SKAP1: variants seen among roughly 807,000 people sequenced by gnomAD.
SKAP1 encodes the protein src kinase associated phosphoprotein 1.
Under a neutral mutation model 58.5 loss-of-function variants are expected in SKAP1, and 44 were observed. The ratio of observed to expected loss-of-function variants is 0.75; its 90% CI spans 0.59 to 0.97. SKAP1 has a LOEUF of 0.97. Among genes scored for constraint, SKAP1 ranks in the 50% least tolerant of loss-of-function variants. The pLI is 0.00. For synonymous variants in SKAP1, 127 were observed against 149.7 expected (o/e 0.85, Z 1.11); for missense variants, 390 against 435.2 (o/e 0.90, Z 0.92).
intron 4 of SKAP1, among the ~76,000 whole-genome samples, chr17:48,288,740 G>T (rs1428149991): frequency 2.0e-5 from 3 of 152,186 alleles, no homozygotes; most frequent in Non-Finnish European, 4.4e-5. Flanking sequence ...GAGGCAGACT[G>T]CTAGGAATCT....
At chr17:48,148,101 TGAA>T (rs2063854431) in intron 11 of SKAP1, among the ~76,000 whole-genome samples, 1 of 152,036 alleles carries the variant, frequency 6.6e-6, no homozygotes, top group Non-Finnish European at 1.5e-5. Flanking sequence ...GCCTTAAAGG[TGAA>T]GCTTATGTCC....
intron 4 of SKAP1, among the ~76,000 whole-genome samples, chr17:48,262,156 T>C (rs1056126131): frequency 6.6e-6 from 1 of 152,120 alleles, no homozygotes; most frequent in African/African-American, 2.4e-5. Flanking sequence ...GCCTCTTACA[T>C]TGGAGGGTTG....
chr17:48,358,751 GC>G (rs2066904853), intron 3 of SKAP1, among the ~76,000 whole-genome samples: 1 of 152,068 alleles, frequency 6.6e-6, no homozygotes, highest in Non-Finnish European at 1.5e-5. Context: ...TTTAGTAAGT[GC>G]CTACCATGTG....
At chr17:48,364,442 C>CA (rs1011101771) in intron 2 of SKAP1, among the ~76,000 whole-genome samples, 6 of 152,014 alleles carry the variant, frequency 3.9e-5, no homozygotes, top group Non-Finnish European at 7.4e-5. Context: ...TTTGGGAGGC[C>CA]AAAGCAGGCA....
chr17:48,160,780 G>A lies in SKAP1; in HGVS notation c.978+1689C>T, dbSNP rs79093977. Among the ~76,000 whole-genome samples, 709 of 152,334 alleles carry A rather than the reference G, an allele frequency of 4.7e-3. 2 individuals carry two copies. Among genetic ancestry groups the A allele is most frequent in the African/African-American group, 0.016 (665 of 41,582 alleles). On this transcript the variant is annotated intron_variant, in intron 11 of 12. Transcript: ENST00000336915. ...TAATTTGTTCACCTGCAGGCTCTGG[G>A]CAAACAGAGGCCTGGTCACACCTGA...
chr17:48,268,519 TCTCA>T (rs1004951815), intron 4 of SKAP1, among the ~76,000 whole-genome samples: 23 of 152,000 alleles, frequency 1.5e-4, no homozygotes, highest in African/African-American at 5.1e-4. Context: ...TTTGAGACAG[TCTCA>T]CTCTGTTGCA....
chr17:48,333,495 A>T (rs1395059686), intron 4 of SKAP1, among the ~76,000 whole-genome samples: 1 of 152,082 alleles, frequency 6.6e-6, no homozygotes, highest in Non-Finnish European at 1.5e-5. Context: ...TTTGTCCTAA[A>T]TTTCTTTGCA....
chr17:48,358,116 T>C (rs1251150009), intron 3 of SKAP1, among the ~76,000 whole-genome samples: 1 of 151,994 alleles, frequency 6.6e-6, no homozygotes, highest in Non-Finnish European at 1.5e-5. Flanking sequence ...ATTCCAGGAA[T>C]AGTGGTGGAA....
the SKAP1 span, among the ~76,000 whole-genome samples, chr17:48,443,495 A>T: frequency 9.3e-4 from 119 of 128,434 alleles, no homozygotes; most frequent in Non-Finnish European, 1.5e-3. Context: ...TGTTTGTTTG[A>T]GACAGAGTCT....
At chr17:48,425,342 T>C (rs1000378587) in intron 1 of SKAP1, among the ~76,000 whole-genome samples, 3 of 152,194 alleles carry the variant, frequency 2.0e-5, no homozygotes, top group African/African-American at 2.4e-5. Context: ...TGCACAAATA[T>C]GTCCCAACTT....
At position 48,181,460 on chromosome 17, in the gene SKAP1, C is replaced by T. The variant is rs146655065; in HGVS notation, c.631+934G>A. ...GTTTGCCTAGTTCCAGTCTATTATACGTGACGCTGTTGGTAGATGCAATAG... is the reference window on the plus strand; with the variant it reads ...GTTTGCCTAGTTCCAGTCTATTATATGTGACGCTGTTGGTAGATGCAATAG... On this transcript the variant is annotated intron_variant, in intron 8 of 12. Coordinates refer to ENST00000336915, the MANE Select transcript of SKAP1 (RefSeq NM_003726.4). Among the ~76,000 whole-genome samples the T allele has an allele frequency of 2.8e-3, 432 of 152,258 alleles. 1 individual carries two copies. Among genetic ancestry groups the T allele is most frequent in the Non-Finnish European group, 4.7e-3 (322 of 68,020 alleles).
intron 4 of SKAP1, among the ~76,000 whole-genome samples, chr17:48,191,010 T>G (rs1003287362): frequency 1.3e-5 from 2 of 152,126 alleles, no homozygotes; most frequent in African/African-American, 2.4e-5. Flanking sequence ...AAAAAAAGTA[T>G]GCGAAAGAAT....
Position 48,189,460 on chromosome 17 carries a change from G to A in SKAP1, c.321C>T (p.Asn107=), listed in dbSNP as rs755249746. The change falls in exon 5 of 13, where the codon AAC becomes AAT. Residue 107 remains asparagine, a synonymous_variant. Coordinates refer to ENST00000336915, the MANE Select transcript of SKAP1 (RefSeq NM_003726.4). The stretch of plus-strand genomic sequence containing the variant: ...TCTCCAAGTATCCTTGCTTGATTAC[G>A]TTATCAAGTTCTTGAGCTCCTTTTA... ...DIVKGAQELD[N]VIKQGYLEKK... The A allele has an allele frequency of 2.0e-5, 32 of 1,613,236 alleles. 1 individual carries two copies. Among genetic ancestry groups the A allele is most frequent in the South Asian group, 6.6e-5 (6 of 91,038 alleles).
intron 4 of SKAP1, among the ~76,000 whole-genome samples, chr17:48,301,734 C>G (rs376095103): frequency 6.6e-6 from 1 of 152,166 alleles, no homozygotes; most frequent in African/African-American, 2.4e-5. Context: ...ACCTTGGCCT[C>G]CCAAAGTGCT....
At chr17:48,293,750 A>G (rs2065927384) in intron 4 of SKAP1, among the ~76,000 whole-genome samples, 1 of 152,224 alleles carries the variant, frequency 6.6e-6, no homozygotes, top group African/African-American at 2.4e-5. Flanking sequence ...AAGAGGGAAC[A>G]TGGAGTCAGA....
At chr17:48,140,242 G>A (rs1038727012) in intron 11 of SKAP1, among the ~76,000 whole-genome samples, 1 of 152,160 alleles carries the variant, frequency 6.6e-6, no homozygotes, top group African/African-American at 2.4e-5. Context: ...GCACTTCTCA[G>A]TCCTTAACTT....
At chr17:48,164,752 C>G (rs190261380) in intron 10 of SKAP1, among the ~76,000 whole-genome samples, 1 of 152,276 alleles carries the variant, frequency 6.6e-6, no homozygotes, top group African/African-American at 2.4e-5. Context: ...TCCAAAAAAA[C>G]AGGCAGAATG....
intron 4 of SKAP1, among the ~76,000 whole-genome samples, chr17:48,336,135 C>T (rs1204960908): frequency 6.6e-6 from 1 of 152,090 alleles, no homozygotes; most frequent in African/African-American, 2.4e-5. Context: ...CTCTTAACTG[C>T]TACTTTATAG....
chr17:48,297,617 T>C lies in SKAP1; in HGVS notation c.280+48288A>G, dbSNP rs114647607. ...CATCAATGATTAAAAATATATATGG[T>C]TCAGTTCAGGCACGATTCAAAAGAA... On this transcript the variant is annotated intron_variant, in intron 4 of 12. Coordinates refer to ENST00000336915, the MANE Select transcript of SKAP1 (RefSeq NM_003726.4). Among the ~76,000 whole-genome samples, 709 of 152,282 alleles carry C rather than the reference T, an allele frequency of 4.7e-3. 4 individuals carry two copies. The highest frequency in any genetic ancestry group is 0.016 in the African/African-American group (661 of 41,558).
Sources: gnomAD v4.1 joint callset for allele counts (sites outside exome capture counted in the v4.1 genomes callset) on GRCh38, gnomAD v4.1.1 for gene constraint, MANE v1.5 for transcripts, NCBI Gene and HGNC (gene_info 2026-07-23, HGNC 2026-07-21) for gene names.